The following NLRP3 variants were observed in gnomAD, a reference collection of about 807,000 sequenced individuals.
NLRP3 encodes NLR family pyrin domain containing 3.
Under a neutral mutation model 91.3 loss-of-function variants are expected in NLRP3, and 48 were observed. The ratio of observed to expected loss-of-function variants is 0.53; its 90% CI spans 0.42 to 0.67. The LOEUF is 0.67. Ranked by LOEUF, NLRP3 falls within the 30% of genes least tolerant of loss-of-function variation. The pLI is 0.00. For synonymous variants in NLRP3, 561 were observed against 507.9 expected, an observed-to-expected ratio of 1.10 and a Z score of -1.41; for missense variants, 982 against 1,276.9, an observed-to-expected ratio of 0.77 and a Z score of 3.52.
chr1:247,443,400 C>T (rs1045179311), intron 7 of NLRP3, among the ~76,000 whole-genome samples: 4 of 151,984 alleles, frequency 2.6e-5, no homozygotes, highest in South Asian at 4.2e-4. Context: ...CATTTGGGGG[C>T]GCAGGAAGGC....
rs147890526 is a variant in NLRP3 at position 247,416,638 on chromosome 1, G to A, written c.-749+445G>A. On this transcript the variant is annotated intron_variant, in intron 1 of 9. Coordinates refer to ENST00000336119, the MANE Select transcript of NLRP3 (RefSeq NM_001243133.2). ...TGGGGCAGGAGCTGGGAGGGTATGC[G>A]GAGCTAATAGGGCTGTCTGGAGAGC... Among the ~76,000 whole-genome samples the A allele has an allele frequency of 5.2e-3, 656 of 126,450 alleles. 7 individuals carry two copies. Among genetic ancestry groups the A allele is most frequent in the African/African-American group, 0.021 (617 of 29,782 alleles). The allele number at this position is 126,450 out of a possible 152,430, so 83.0% of individuals were successfully genotyped here.
chr1:247,444,944 GGTCA>G (rs1419899756), intron 9 of NLRP3, 123 bp downstream of exon 9: 1 of 920,530 alleles, frequency 1.1e-6, no homozygotes, highest in Non-Finnish European at 1.7e-6. Context: ...GTTGGGCCTG[GGTCA>G]GTTGTGGTGG....
intron 6 of NLRP3, 65 bp from the exon 7 acceptor site, chr1:247,435,905 G>A (rs1007475107): frequency 2.4e-5 from 36 of 1,514,052 alleles, no homozygotes; most frequent in Non-Finnish European, 3.0e-5. Flanking sequence ...AGGTACGGGT[G>A]CTTCCTTGTC....
chr1:247,448,268 CTTTTTT>C (rs58966539), intron 9 of NLRP3, 131 bp from the exon 10 acceptor site: 186 of 358,322 alleles, frequency 5.2e-4, no homozygotes, highest in Non-Finnish European at 6.9e-4. Flanking sequence ...TGTGGTCCCT[CTTTTTT>C]TTTTTTTTTT....
At chr1:247,438,394 T>TG (rs1663953721) in intron 7 of NLRP3, among the ~76,000 whole-genome samples, 2 of 146,818 alleles carry the variant, frequency 1.4e-5, no homozygotes, top group African/African-American at 5.1e-5. Flanking sequence ...TTTTTTTTTT[T>TG]TTTTTTTGAG....
chr1:247,432,581 C>A (rs1663420245), intron 5 of NLRP3, among the ~76,000 whole-genome samples: 1 of 152,146 alleles, frequency 6.6e-6, no homozygotes. Context: ...AAATTCTCTC[C>A]CCACTGCCAT....
In NLRP3 at chr1:247,423,331, A is replaced by G; in HGVS notation, c.379A>G (p.Ile127Val). The G allele has an allele frequency of 1.4e-6, 2 of 1,462,880 alleles. No individual in the cohort carries two copies. Among genetic ancestry groups the G allele is most frequent in the Non-Finnish European group, 1.9e-6 (2 of 1,070,008 alleles). 90.6% of individuals were successfully genotyped at this position (1,462,880 alleles called of 1,614,324 possible). Residue 127 changes from isoleucine to valine, a missense_variant, in exon 3 of 10, where the codon ATT becomes GTT. Around this residue, in one of 5 missense-constraint regions of NLRP3, gnomAD observed 548 missense variants for 713.7 expected, o/e 0.77. Coordinates refer to ENST00000336119, the MANE Select transcript of NLRP3 (RefSeq NM_001243133.2). ...GLLEYLSRIS[I>V]CKMKKDYRKK... Reference sequence around the variant, plus strand: ...ACTGGAGTACCTTTCGAGAATCTCTATTTGTAAAATGAAGAAAGGTAAGCG... The same window carrying G: ...ACTGGAGTACCTTTCGAGAATCTCTGTTTGTAAAATGAAGAAAGGTAAGCG...
intron 9 of NLRP3, among the ~76,000 whole-genome samples, chr1:247,445,337 A>G (rs954317391): frequency 9.2e-5 from 14 of 152,062 alleles, no homozygotes; most frequent in African/African-American, 3.1e-4. Flanking sequence ...AGTAGCTGGG[A>G]CCACAGGCGC....
At chr1:247,421,774 G>A (rs2103096237) in intron 2 of NLRP3, among the ~76,000 whole-genome samples, 1 of 152,310 alleles carries the variant, frequency 6.6e-6, no homozygotes, top group East Asian at 1.9e-4. Context: ...TTTTGAGGCA[G>A]AAAAGTTATA....
chr1:247,436,487 T>C (rs1353261744), intron 7 of NLRP3, among the ~76,000 whole-genome samples: 1 of 152,130 alleles, frequency 6.6e-6, no homozygotes, highest in African/African-American at 2.4e-5. Flanking sequence ...AGTTATCGCA[T>C]AGTGCATGCA....
intron 7 of NLRP3, among the ~76,000 whole-genome samples, chr1:247,438,050 A>C (rs1663920279): frequency 6.6e-6 from 1 of 152,172 alleles, no homozygotes; most frequent in Admixed American, 6.5e-5. Flanking sequence ...TCAATACCTA[A>C]CCTGGTAGAG....
chr1:247,437,145 C>G (rs1663851745), intron 7 of NLRP3, among the ~76,000 whole-genome samples: 1 of 152,192 alleles, frequency 6.6e-6, no homozygotes, highest in Non-Finnish European at 1.5e-5. Flanking sequence ...TCATCTGGCT[C>G]TCAGCTTAAG....
Position 247,425,192 on chromosome 1 carries a change from G to A in NLRP3, c.1743G>A (p.Leu581=). The change falls in exon 4 of 10, where the codon CTG becomes CTA. Residue 581 remains leucine, a synonymous_variant. Transcript: ENST00000336119. This position sits in a 1 kb window ranked among gnomAD's most constrained non-coding sequence, Gnocchi z 4.1. ...LIFVVRFLFG[L]VNQERTSYLE... ...TTGTTGTACGTTTCCTCTTTGGCCT[G>A]GTAAACCAGGAGAGGACCTCCTACT... 1.9e-6 allele frequency: 3 copies of A among 1,614,140 alleles called. No individual in the cohort carries two copies.
Position 247,418,991 on chromosome 1 carries a change from A to T in NLRP3, c.191A>T (p.Lys64Met). Reference sequence around the variant, plus strand: ...ATGATCGACTTCAATGGGGAGGAGAAGGCGTGGGCCATGGCCGTGTGGATC... The same window carrying T: ...ATGATCGACTTCAATGGGGAGGAGATGGCGTGGGCCATGGCCGTGTGGATC... Reference protein sequence around the residue: ...TLMIDFNGEEKAWAMAVWIFA... With the variant: ...TLMIDFNGEEMAWAMAVWIFA... Residue 64 changes from lysine to methionine, a missense_variant, in exon 2 of 10, where the codon AAG (lysine) becomes ATG (methionine). Coordinates refer to ENST00000336119, the MANE Select transcript of NLRP3 (RefSeq NM_001243133.2). 1 of 1,614,118 alleles carries T rather than the reference A, an allele frequency of 6.2e-7. No individual in the cohort carries two copies. The highest frequency in any genetic ancestry group is 8.5e-7 in the Non-Finnish European group (1 of 1,180,038).
chr1:247,423,280 A>G lies in NLRP3; in HGVS notation c.328A>G (p.Ser110Gly), dbSNP rs539690147. The change falls in exon 3 of 10, where the codon AGC becomes GGC. Residue 110 changes from serine (S) to glycine (G), a missense_variant. Physicochemically the swap from Ser to Gly is moderately conservative, Grantham distance 56. Coordinates refer to ENST00000336119, the MANE Select transcript of NLRP3 (RefSeq NM_001243133.2). ...SNPTVICQED[S>G]IEEEWMGLLE... Reference sequence around the variant, plus strand: ...TCCCACTGTGATATGCCAGGAAGACAGCATTGAAGAGGAGTGGATGGGTTT... The same window carrying G: ...TCCCACTGTGATATGCCAGGAAGACGGCATTGAAGAGGAGTGGATGGGTTT... 6.2e-7 allele frequency: 1 copy of G among 1,613,374 alleles called. No individual in the cohort carries two copies. The highest frequency in any genetic ancestry group is 2.2e-5 in the East Asian group (1 of 44,788).
chr1:247,419,541 A>G (rs1054822721), intron 2 of NLRP3, among the ~76,000 whole-genome samples: 11 of 152,082 alleles, frequency 7.2e-5, no homozygotes, highest in African/African-American at 2.7e-4. Context: ...ATCTTGCAAA[A>G]CTGAAACTCC....
At chr1:247,431,924 A>G (rs1663361316) in intron 5 of NLRP3, among the ~76,000 whole-genome samples, 1 of 150,130 alleles carries the variant, frequency 6.7e-6, no homozygotes, top group South Asian at 2.1e-4. Flanking sequence ...TTTGAGATGG[A>G]CTCTCGCCGT....
In NLRP3 at chr1:247,424,911, A is replaced by T; in HGVS notation, c.1462A>T (p.Arg488Trp). ...QKILFEESDL[R>W]NHGLQKADVS... ...AATCCTGTTTGAGGAGTCCGACCTCAGGAATCATGGACTGCAGAAGGCGGA... is the reference window on the plus strand; with the variant it reads ...AATCCTGTTTGAGGAGTCCGACCTCTGGAATCATGGACTGCAGAAGGCGGA... Residue 488 changes from arginine to tryptophan, a missense_variant, in exon 4 of 10, where the codon AGG becomes TGG. Coordinates refer to ENST00000336119, the MANE Select transcript of NLRP3 (RefSeq NM_001243133.2). The surrounding 1 kb of genome is among the most constrained non-coding windows in gnomAD (Gnocchi z 8.1). The T allele has an allele frequency of 1.9e-6, 3 of 1,612,498 alleles. No individual in the cohort carries two copies. Among genetic ancestry groups the T allele is most frequent in the Non-Finnish European group, 2.5e-6 (3 of 1,180,026 alleles).
At chr1:247,441,746 T>A (rs904211992) in intron 7 of NLRP3, among the ~76,000 whole-genome samples, 3 of 152,238 alleles carry the variant, frequency 2.0e-5, no homozygotes, top group East Asian at 3.8e-4. Flanking sequence ...CATTTTATTA[T>A]GTGTTCAGTG....
Sources: gnomAD v4.1 joint callset for allele counts (sites outside exome capture counted in the v4.1 genomes callset) on GRCh38, gnomAD v4.1.1 for gene constraint, gnomAD v4.1.1 regional missense constraint, Gnocchi (gnomAD v3.1) non-coding constraint, MANE v1.5 for transcripts, NCBI Gene and HGNC (gene_info 2026-07-23, HGNC 2026-07-21) for gene names.